The following UGT1A7 variants were observed in gnomAD, a reference collection of about 807,000 sequenced individuals.
UGT1A7 encodes the protein UDP glucuronosyltransferase family 1 member A7.
In UGT1A7, 33 loss-of-function variants were observed where a neutral mutation model predicts 45.6. That is an observed-to-expected ratio of 0.72 (90% CI 0.55 to 0.97). The LOEUF is 0.97. Among genes scored for constraint, UGT1A7 ranks in the 50% least tolerant of loss-of-function variants. UGT1A7 has a pLI of 0.00. For missense variants in UGT1A7, 684 were observed against 666.2 expected, an observed-to-expected ratio of 1.03 and a Z score of -0.29; for synonymous variants, 274 against 250.6, an observed-to-expected ratio of 1.09 and a Z score of -0.88.
At position 233,713,288 on chromosome 2, in the gene UGT1A7, G is replaced by A. The variant is rs767329942; in HGVS notation, c.855+30496G>A. ...GCCTTTTGCTGGGTCACACTCAATC[G>A]TTCTTTGAAACAGAACATCTTCTGA... On this transcript the variant is annotated intron_variant, in intron 1 of 4. Coordinates refer to ENST00000373426, the MANE Select transcript of UGT1A7 (RefSeq NM_019077.3). 15 of 1,614,084 alleles carry A rather than the reference G, an allele frequency of 9.3e-6. 1 individual carries two copies. The highest frequency in any genetic ancestry group is 6.6e-5 in the South Asian group (6 of 91,090).
intron 1 of UGT1A7, among the ~76,000 whole-genome samples, chr2:233,696,293 A>G (rs2075336529): frequency 2.0e-5 from 3 of 152,250 alleles, no homozygotes. Flanking sequence ...GGACTGTAAT[A>G]TCGTGAAATA....
At chr2:233,729,554 C>T in intron 1 of UGT1A7, 1 of 1,614,178 alleles carries the variant, frequency 6.2e-7, no homozygotes, top group Non-Finnish European at 8.5e-7. Flanking sequence ...CACCTGAATG[C>T]TACTTCCTTT....
intron 1 of UGT1A7, among the ~76,000 whole-genome samples, chr2:233,732,755 G>GT (rs956485327): frequency 0.043 from 5,191 of 120,064 alleles, 256 homozygotes; most frequent in African/African-American, 0.13. Flanking sequence ...CACCAGCTTT[G>GT]TTTTTTTTTT....
At chr2:233,691,328 C>T in intron 1 of UGT1A7, 1 of 985,570 alleles carries the variant, frequency 1.0e-6, no homozygotes, top group South Asian at 4.7e-5. Context: ...CCAGCTTGGA[C>T]TGAGCTGAGT....
intron 1 of UGT1A7, chr2:233,730,118 T>A (rs1380920361): frequency 6.0e-5 from 93 of 1,555,792 alleles, no homozygotes; most frequent in Non-Finnish European, 7.7e-5. Context: ...CTTCTCCTTG[T>A]CATAATAGCC....
At chr2:233,694,271 TGTGAGC>T (rs1439131149) in intron 1 of UGT1A7, among the ~76,000 whole-genome samples, 4 of 151,934 alleles carry the variant, frequency 2.6e-5, no homozygotes, top group Non-Finnish European at 4.4e-5. Flanking sequence ...AACTACAGCC[TGTGAGC>T]CCAATCTGCC....
At chr2:233,748,267 A>G (rs762493954) in intron 1 of UGT1A7, among the ~76,000 whole-genome samples, 2 of 151,794 alleles carry the variant, frequency 1.3e-5, no homozygotes, top group Non-Finnish European at 2.9e-5. Context: ...TAAATGGTCA[A>G]TGAGAGGAAG....
At chr2:233,705,231 T>C (rs77358763) in intron 1 of UGT1A7, among the ~76,000 whole-genome samples, 5,756 of 152,326 alleles carry the variant, frequency 0.038, 132 homozygotes, top group Non-Finnish European at 0.058. Flanking sequence ...CAGTGCTTTT[T>C]TTCTGTATGA....
At chr2:233,692,282 T>G (rs1389646454) in intron 1 of UGT1A7, 1 of 152,456 alleles carries the variant, frequency 6.6e-6, no homozygotes, top group Non-Finnish European at 1.5e-5. Flanking sequence ...CCTCTGGCTA[T>G]TCATCCGTAT....
At chr2:233,688,930 C>T (rs2074919924) in intron 1 of UGT1A7, among the ~76,000 whole-genome samples, 1 of 152,140 alleles carries the variant, frequency 6.6e-6, no homozygotes, top group African/African-American at 2.4e-5. Flanking sequence ...GGGAAGATGG[C>T]AGGTGCAGCA....
chr2:233,706,156 T>G (rs1363700442), intron 1 of UGT1A7, among the ~76,000 whole-genome samples: 1 of 152,112 alleles, frequency 6.6e-6, no homozygotes, highest in Non-Finnish European at 1.5e-5. Flanking sequence ...ATGAGAACCT[T>G]CTAAATGTGG....
chr2:233,690,760 TACAC>T (rs899779207), intron 1 of UGT1A7: 3 of 905,494 alleles, frequency 3.3e-6, no homozygotes, highest in South Asian at 2.8e-5. Flanking sequence ...AGTGCAGACA[TACAC>T]ACACACACAC....
rs773195449 is a variant in UGT1A7, at chr2:233,767,876, C to T, written c.1015C>T (p.Pro339Ser). 2 of 1,614,178 alleles carry T rather than the reference C, an allele frequency of 1.2e-6. No homozygotes were observed. The highest frequency in any genetic ancestry group is 3.3e-5 in the Admixed American group (2 of 60,012). ...CCTGTGGCGGTACACTGGAACCCGACCATCGAATCTTGCGAACAACACGAT... is the reference window on the plus strand; with the variant it reads ...CCTGTGGCGGTACACTGGAACCCGATCATCGAATCTTGCGAACAACACGAT... The part of the protein sequence containing the change: ...TVLWRYTGTR[P>S]SNLANNTILV... Residue 339 changes from proline (P) to serine (S), a missense_variant, in exon 3 of 5, where the codon CCA (proline) becomes TCA (serine). By Grantham distance (74) the Pro-to-Ser change is moderately conservative. Coordinates refer to ENST00000373426, the MANE Select transcript of UGT1A7 (RefSeq NM_019077.3).
At chr2:233,760,858 T>C (rs1196570380) in intron 1 of UGT1A7, 1 of 1,614,090 alleles carries the variant, frequency 6.2e-7, no homozygotes, top group Non-Finnish European at 8.5e-7. Flanking sequence ...CAACCCATTC[T>C]CCTACGTGCC....
At chr2:233,735,346 T>A (rs559111340) in intron 1 of UGT1A7, among the ~76,000 whole-genome samples, 5 of 152,212 alleles carry the variant, frequency 3.3e-5, no homozygotes, top group African/African-American at 1.2e-4. Context: ...GCTTTTTTTT[T>A]GCTTTCCATT....
chr2:233,702,674 T>C (rs1045576021), intron 1 of UGT1A7, among the ~76,000 whole-genome samples: 4 of 152,172 alleles, frequency 2.6e-5, no homozygotes, highest in African/African-American at 9.7e-5. Flanking sequence ...TTATCATACC[T>C]GAGGTGTTTG....
chr2:233,713,368 G>C, intron 1 of UGT1A7: 5 of 1,614,136 alleles, frequency 3.1e-6, no homozygotes, highest in Non-Finnish European at 4.2e-6. Flanking sequence ...ATCATACATA[G>C]GTCTTGTGTG....
intron 1 of UGT1A7, chr2:233,713,964 C>T (rs2076358616): frequency 1.9e-6 from 3 of 1,604,778 alleles, no homozygotes; most frequent in Non-Finnish European, 2.6e-6. Flanking sequence ...CCAAAGATTT[C>T]ATTTCTGCTT....
chr2:233,769,824 C>A lies in UGT1A7; in HGVS notation c.1295+1385C>A. On this transcript the variant is annotated intron_variant, in intron 4 of 4. Transcript: ENST00000373426. This position sits in a 1 kb window ranked among gnomAD's most constrained non-coding sequence, Gnocchi z 4.4. The stretch of plus-strand genomic sequence containing the variant: ...GAGCCGTGATCATGCCACTGCACTC[C>A]AGCAACCTGGGCAACAGAGTGAGAC... 2 of 763,338 alleles carry A rather than the reference C, an allele frequency of 2.6e-6. No homozygotes were observed. The highest frequency in any genetic ancestry group is 3.7e-6 in the Non-Finnish European group (2 of 534,878). The allele number at this position is 763,338 out of a possible 1,614,324, so 47.3% of individuals were successfully genotyped here. A position where few individuals can be genotyped will look rare whatever the true frequency, so the allele number is the denominator to read the frequency against.
Sources: gnomAD v4.1 joint callset for allele counts (sites outside exome capture counted in the v4.1 genomes callset) on GRCh38, gnomAD v4.1.1 for gene constraint, Gnocchi (gnomAD v3.1) non-coding constraint, MANE v1.5 for transcripts, NCBI Gene and HGNC (gene_info 2026-07-23, HGNC 2026-07-21) for gene names.